EMP1: variants seen among roughly 807,000 people sequenced by gnomAD.
EMP1 encodes the protein epithelial membrane protein 1.
A neutral mutation model predicts 15.7 loss-of-function variants in EMP1; 5 were observed. That is an observed-to-expected ratio of 0.32 (90% CI 0.17 to 0.67). The LOEUF (loss-of-function observed/expected upper bound fraction) is 0.67, where lower values mean the gene tolerates loss of function less well. Ranked by LOEUF, EMP1 falls within the 30% of genes least tolerant of loss-of-function variation. The probability of loss-of-function intolerance (pLI) is 0.74; values close to 1 mark genes in which losing one functional copy is unlikely to be tolerated. For synonymous variants in EMP1, 78 were observed against 76.7 expected, an observed-to-expected ratio of 1.02 and a Z score of -0.09; for missense variants, 166 against 194.2, an observed-to-expected ratio of 0.85 and a Z score of 0.86.
At chr12:13,202,021 T>A (rs1864070732) in intron 1 of EMP1, among the ~76,000 whole-genome samples, 1 of 151,952 alleles carries the variant, frequency 6.6e-6, no homozygotes, top group South Asian at 2.1e-4. Context: ...AGTGGGATGC[T>A]GTTTCCCAGG....
chr12:13,197,980 T>G (rs1233185245), intron 1 of EMP1, among the ~76,000 whole-genome samples: 1 of 151,634 alleles, frequency 6.6e-6, no homozygotes, highest in Admixed American at 6.6e-5. Context: ...GAGAAGAGGG[T>G]GGGGCAGGAG....
chr12:13,204,629 G>A (rs190035364), intron 1 of EMP1, among the ~76,000 whole-genome samples: 36 of 152,334 alleles, frequency 2.4e-4, no homozygotes, highest in Admixed American at 1.1e-3. Context: ...CAGGTGTCAC[G>A]CTGAGGAAGG....
chr12:13,205,792 G>A (rs79153411), intron 1 of EMP1, among the ~76,000 whole-genome samples: 1,648 of 152,304 alleles, frequency 0.011, 27 homozygotes, highest in African/African-American at 0.038. Context: ...TTTAGAAGAG[G>A]TAGGATTTTA....
chr12:13,207,869 A>C (rs1287220797), intron 1 of EMP1, among the ~76,000 whole-genome samples: 2 of 152,182 alleles, frequency 1.3e-5, no homozygotes, highest in Non-Finnish European at 2.9e-5. Flanking sequence ...TAGGTCTGGG[A>C]GTCTAAGCAC....
chr12:13,198,033 C>T (rs1864030046), intron 1 of EMP1, among the ~76,000 whole-genome samples: 1 of 152,100 alleles, frequency 6.6e-6, no homozygotes, highest in East Asian at 1.9e-4. Flanking sequence ...TGGCTTTGTG[C>T]TTTCACCCCA....
Position 13,213,581 on chromosome 12 carries a change from T to C in EMP1, c.175+6T>C, listed in dbSNP as rs774785073. ...CCTGTCATATGCCAGTGAAGGTATA[T>C]ATAAAGATATTGACCCAGTGCTGAC... is the stretch of plus-strand genomic sequence containing the variant. On this transcript the variant is annotated splice_donor_region_variant and intron_variant, in intron 3 of 4. Coordinates refer to ENST00000256951, the MANE Select transcript of EMP1 (RefSeq NM_001423.3). 1.9e-6 allele frequency: 3 copies of C among 1,614,054 alleles called. No homozygotes were observed. Among genetic ancestry groups the C allele is most frequent in the Non-Finnish European group, 2.5e-6 (3 of 1,180,022 alleles).
intron 1 of EMP1, among the ~76,000 whole-genome samples, chr12:13,202,893 A>G (rs1302640868): frequency 6.6e-6 from 1 of 152,158 alleles, no homozygotes; most frequent in Non-Finnish European, 1.5e-5. Flanking sequence ...GAGAGAAAAA[A>G]TCATGCCAGG....
At position 13,216,443 on chromosome 12, in the gene EMP1, G is replaced by T. The variant is rs1334587445; in HGVS notation, c.*1752G>T. 2.8e-6 allele frequency: 2 copies of T among 702,608 alleles called. No homozygotes were observed. The highest frequency in any genetic ancestry group is 3.0e-5 in the South Asian group (2 of 67,562). 43.5% of individuals were successfully genotyped at this position (702,608 alleles called of 1,614,324 possible). On this transcript the variant is annotated 3_prime_UTR_variant, in exon 5 of 5. Coordinates refer to ENST00000256951, the MANE Select transcript of EMP1 (RefSeq NM_001423.3). ...GATTGGCCAGCAAAAACTGTGGGAAGATGAACTTTGTCATTATGATTTCAT... is the reference window on the plus strand; with the variant it reads ...GATTGGCCAGCAAAAACTGTGGGAATATGAACTTTGTCATTATGATTTCAT...
Position 13,214,540 on chromosome 12 carries a change from G to A in EMP1, c.323G>A (p.Cys108Tyr). ...ATCTCCTTTTCCCCTGCAGGGCTGT[G>A]CATTCTTGTGGGGGTGTCCATCTAC... ...SGATTLVCWL[C>Y]ILVGVSIYTS... Residue 108 changes from cysteine (C) to tyrosine (Y), a missense_variant, in exon 5 of 5, where the codon TGC (cysteine) becomes TAC (tyrosine). Physicochemically the swap from Cys to Tyr is radical, Grantham distance 194. Coordinates refer to ENST00000256951, the MANE Select transcript of EMP1 (RefSeq NM_001423.3). 1 of 1,612,828 alleles carries A rather than the reference G, an allele frequency of 6.2e-7. No homozygotes were observed. Among genetic ancestry groups the A allele is most frequent in the Non-Finnish European group, 8.5e-7 (1 of 1,179,512 alleles).
Position 13,211,954 on chromosome 12 carries a change from G to T in EMP1, c.78+366G>T. ...AAAGAGGGAAGGTGGAAGGATCATA[G>T]GGATGCATTCAGGTGGGAGTGCTAG... On this transcript the variant is annotated intron_variant, in intron 2 of 4. Transcript: ENST00000256951. The surrounding 1 kb of genome is among the most constrained non-coding windows in gnomAD (Gnocchi z 4.7). 3.9e-6 allele frequency: 1 copy of T among 256,822 alleles called. No individual in the cohort carries two copies. The allele number at this position is 256,822 out of a possible 1,614,324, so 15.9% of individuals were successfully genotyped here.
intron 1 of EMP1, among the ~76,000 whole-genome samples, chr12:13,204,487 A>T (rs976716489): frequency 6.6e-6 from 1 of 152,154 alleles, no homozygotes; most frequent in African/African-American, 2.4e-5. Context: ...CAACCAAATG[A>T]TCCTTCATGG....
chr12:13,198,404 CT>C (rs1162576586), intron 1 of EMP1, among the ~76,000 whole-genome samples: 3 of 152,138 alleles, frequency 2.0e-5, no homozygotes, highest in African/African-American at 7.2e-5. Context: ...CAAAGTTAGG[CT>C]TTTCCTTTAG....
At position 13,219,127 on chromosome 12, in the gene EMP1, G is replaced by A. The variant is rs1864238215; in HGVS notation, c.*4436G>A. 6.6e-6 allele frequency: 1 copy of A among 152,180 alleles called. No individual in the cohort carries two copies. Among genetic ancestry groups the A allele is most frequent in the African/African-American group, 2.4e-5 (1 of 41,426 alleles). 9.4% of individuals were successfully genotyped at this position (152,180 alleles called of 1,614,324 possible). A position where few individuals can be genotyped will look rare whatever the true frequency, so the allele number is the denominator to read the frequency against. ...TGAGAAGCATTATAATAGCCTCTCT[G>A]CCTTTATCTACAATCTCTCCAACCT... On this transcript the variant is annotated 3_prime_UTR_variant, in exon 5 of 5. Coordinates refer to ENST00000256951, the MANE Select transcript of EMP1 (RefSeq NM_001423.3).
In EMP1 at chr12:13,216,678, C is replaced by G; in HGVS notation, c.*1987C>G. On this transcript the variant is annotated 3_prime_UTR_variant, in exon 5 of 5. Transcript: ENST00000256951. ...ATTGTTCTAGTACTGTATTGGGCTT[C>G]TTCGTTAATAGATTATTTCATATAC... 1 of 481,426 alleles carries G rather than the reference C, an allele frequency of 2.1e-6. No homozygotes were observed. The highest frequency in any genetic ancestry group is 3.6e-6 in the Non-Finnish European group (1 of 275,440). 29.8% of individuals were successfully genotyped at this position (481,426 alleles called of 1,614,324 possible). A position where few individuals can be genotyped will look rare whatever the true frequency, so the allele number is the denominator to read the frequency against.
chr12:13,214,582 A>G lies in EMP1; in HGVS notation c.365A>G (p.Asn122Ser), dbSNP rs890849703. The part of the protein sequence containing the change: ...GVSIYTSHYA[N>S]RDGTQYHHGY... Reference sequence around the variant, plus strand: ...TCCATCTACACTAGTCATTATGCGAATCGTGATGGAACGCAGTATCACCAC... The same window carrying G: ...TCCATCTACACTAGTCATTATGCGAGTCGTGATGGAACGCAGTATCACCAC... The change falls in exon 5 of 5, where the codon AAT becomes AGT. Residue 122 changes from asparagine to serine, a missense_variant. Physicochemically the swap from Asn to Ser is conservative, Grantham distance 46 (BLOSUM62 1). Coordinates refer to ENST00000256951, the MANE Select transcript of EMP1 (RefSeq NM_001423.3). 6.2e-7 allele frequency: 1 copy of G among 1,613,804 alleles called. No individual in the cohort carries two copies. The highest frequency in any genetic ancestry group is 1.3e-5 in the African/African-American group (1 of 74,816).
intron 1 of EMP1, among the ~76,000 whole-genome samples, chr12:13,208,349 A>G (rs7315940): frequency 0.99 from 150,395 of 152,266 alleles, 74,304 homozygotes; most frequent in East Asian, 1. Flanking sequence ...ATTAGTTACC[A>G]CTAATGGCTT....
Position 13,213,479 on chromosome 12 carries a change from G to C in EMP1, c.79G>C (p.Val27Leu). Reference protein sequence around the residue: ...IMLFVSTIANVWLVSNTVDAS... With the variant: ...IMLFVSTIANLWLVSNTVDAS... ...ACATTTTCTTTCCTTCTGGTTTCAGGTCTGGTTGGTTTCCAATACGGTAGA... is the reference window on the plus strand; with the variant it reads ...ACATTTTCTTTCCTTCTGGTTTCAGCTCTGGTTGGTTTCCAATACGGTAGA... Residue 27 changes from valine to leucine, a missense_variant and splice_region_variant, in exon 3 of 5, where the codon GTC becomes CTC. Val to Leu is a conservative substitution (Grantham distance 32). Coordinates refer to ENST00000256951, the MANE Select transcript of EMP1 (RefSeq NM_001423.3). 1 of 1,614,022 alleles carries C rather than the reference G, an allele frequency of 6.2e-7. No homozygotes were observed. Among genetic ancestry groups the C allele is most frequent in the Non-Finnish European group, 8.5e-7 (1 of 1,179,932 alleles).
Position 13,214,608 on chromosome 12 carries a change from G to A in EMP1, c.391G>A (p.Gly131Ser), listed in dbSNP as rs35705378. 286 of 1,613,778 alleles carry A rather than the reference G, an allele frequency of 1.8e-4. No homozygotes were observed. Among genetic ancestry groups the A allele is most frequent in the Non-Finnish European group, 2.0e-4 (240 of 1,180,014 alleles). The change falls in exon 5 of 5, where the codon GGC becomes AGC. Residue 131 changes from glycine to serine, a missense_variant. By Grantham distance (56) the Gly-to-Ser change is moderately conservative (BLOSUM62 0). Transcript: ENST00000256951. ...TCGTGATGGAACGCAGTATCACCAC[G>A]GCTATTCCTACATCCTGGGCTGGAT... ...ANRDGTQYHH[G>S]YSYILGWICF...
intron 1 of EMP1, among the ~76,000 whole-genome samples, chr12:13,199,876 C>T (rs572097129): frequency 6.6e-6 from 1 of 152,118 alleles, no homozygotes; most frequent in African/African-American, 2.4e-5. Flanking sequence ...GATTCTCATC[C>T]TCTAAACACT....
Sources: allele counts gnomAD v4.1 joint callset (sites outside exome capture counted in the v4.1 genomes callset), GRCh38; gene constraint gnomAD v4.1.1; non-coding constraint Gnocchi (gnomAD v3.1); transcripts MANE v1.5; gene names NCBI Gene and HGNC (gene_info 2026-07-23, HGNC 2026-07-21).